The following NCLN variants were observed in gnomAD, a reference collection of about 807,000 sequenced individuals.
NCLN encodes nicalin, also known as BOS complex subunit NCLN.
In NCLN, 34 loss-of-function variants were observed where a neutral mutation model predicts 69.5. The ratio of observed to expected loss-of-function variants is 0.49; its 90% confidence interval spans 0.37 to 0.65. The LOEUF (loss-of-function observed/expected upper bound fraction) is 0.65. Among genes scored for constraint, NCLN ranks in the 30% least tolerant of loss-of-function variants. NCLN has a pLI of 0.00. For missense variants in NCLN, 710 were observed against 804.8 expected (o/e 0.88, Z 1.42); for synonymous variants, 393 against 358.3 (o/e 1.10, Z -1.09).
intron 8 of NCLN, 29 bp downstream of exon 8, chr19:3,204,173 G>C: frequency 6.7e-7 from 1 of 1,492,322 alleles, no homozygotes; most frequent in Non-Finnish European, 8.9e-7. Context: ...GATGGGTCCG[G>C]AGCTCTGCGG....
At chr19:3,191,753 T>C (rs1915832744) in intron 1 of NCLN, among the ~76,000 whole-genome samples, 2 of 152,232 alleles carry the variant, frequency 1.3e-5, no homozygotes, top group Admixed American at 1.3e-4. Flanking sequence ...GTTTTACAGC[T>C]GAGTGGTTGA....
In NCLN at chr19:3,208,014, A is replaced by G. The variant is rs1916323081; in HGVS notation, c.*326A>G. 5.9e-6 allele frequency: 2 copies of G among 339,202 alleles called. No homozygotes were observed. The highest frequency in any genetic ancestry group is 1.2e-4 in the East Asian group (2 of 16,246). 21.0% of individuals were successfully genotyped at this position (339,202 alleles called of 1,614,324 possible). On this transcript the variant is annotated 3_prime_UTR_variant, in exon 15 of 15. Coordinates refer to ENST00000246117, the MANE Select transcript of NCLN (RefSeq NM_020170.4). ...CTGGTGTAAGCACACATGCACGATT[A>G]AAGAGGAGACGCCGGGACCCCCTGC...
Position 3,206,324 on chromosome 19 carries a change from G to T in NCLN, c.1398G>T (p.Ala466=). ...GGCTCACCAACCAGCCGCGGGCCGCGCAGCTGGTGGACAAGGACAGCACCT... is the reference window on the plus strand; with the variant it reads ...GGCTCACCAACCAGCCGCGGGCCGCTCAGCTGGTGGACAAGGACAGCACCT... The part of the protein sequence containing the change: ...MDWLTNQPRA[A]QLVDKDSTFL... The change falls in exon 12 of 15, where the codon GCG becomes GCT. Residue 466 remains alanine, a synonymous_variant. Transcript: ENST00000246117. The T allele has an allele frequency of 6.5e-7, 1 of 1,548,296 alleles. No individual in the cohort carries two copies. Among genetic ancestry groups the T allele is most frequent in the Middle Eastern group, 2.3e-4 (1 of 4,436 alleles).
Position 3,207,289 on chromosome 19 carries a change from C to A in NCLN, c.1553+38C>A, listed in dbSNP as rs74788223. The stretch of plus-strand genomic sequence containing the variant: ...CAGCGGGACCTGGAGCCCTTCACCC[C>A]CTACGGGTTACAGCCGAGGGGACTG... On this transcript the variant is annotated intron_variant, in intron 13 of 14. Coordinates refer to ENST00000246117, the MANE Select transcript of NCLN (RefSeq NM_020170.4). The A allele has an allele frequency of 4.4e-5, 71 of 1,613,180 alleles. No homozygotes were observed. In the South Asian group the frequency reaches 5.0e-4, roughly 11 times the overall value.
At position 3,192,568 on chromosome 19, in the gene NCLN, G is replaced by C. The variant is rs752660243; in HGVS notation, c.283G>C (p.Glu95Gln). Reference protein sequence around the residue: ...VLMRLLDFSYEQYQKALRQSA... With the variant: ...VLMRLLDFSYQQYQKALRQSA... ...CATGCGGCTACTGGACTTCTCCTAC[G>C]AGCAGTACCAGAAGGCCCTGCGGCA... The change falls in exon 2 of 15, where the codon GAG becomes CAG. Residue 95 changes from glutamate to glutamine, a missense_variant. Glu to Gln is a conservative substitution (Grantham distance 29). Transcript: ENST00000246117. 6.2e-7 allele frequency: 1 copy of C among 1,609,812 alleles called. No homozygotes were observed.
chr19:3,195,454 T>C (rs1231546868), intron 3 of NCLN, among the ~76,000 whole-genome samples: 1 of 152,074 alleles, frequency 6.6e-6, no homozygotes, highest in Non-Finnish European at 1.5e-5. Flanking sequence ...TTTCACCGTG[T>C]TAGCCAGGAG....
intron 1 of NCLN, among the ~76,000 whole-genome samples, chr19:3,191,361 G>T (rs966916429): frequency 3.3e-5 from 5 of 152,168 alleles, no homozygotes; most frequent in African/African-American, 9.7e-5. Context: ...AGCCCGTGAT[G>T]GAGCGACAGC....
chr19:3,192,560 TCTC>T lies in NCLN; in HGVS notation c.278_280del (p.Ser93del), dbSNP rs780160684. On this transcript the variant is annotated inframe_deletion, in exon 2 of 15. Coordinates refer to ENST00000246117, the MANE Select transcript of NCLN (RefSeq NM_020170.4). ...TGCGTGCTCATGCGGCTACTGGACTTCTCCTACGAGCAGTACCAGAAGGCCCTG... is the reference window on the plus strand; with the variant it reads ...TGCGTGCTCATGCGGCTACTGGACTTCTACGAGCAGTACCAGAAGGCCCTG... The T allele has an allele frequency of 6.2e-6, 10 of 1,609,988 alleles. No individual in the cohort carries two copies. The highest frequency in any genetic ancestry group is 1.1e-5 in the South Asian group (1 of 90,746).
chr19:3,197,225 C>T (rs767486909), intron 4 of NCLN, among the ~76,000 whole-genome samples: 2 of 152,216 alleles, frequency 1.3e-5, no homozygotes, highest in African/African-American at 2.4e-5. Context: ...CGCTGGGCTC[C>T]GCATCCCATG....
In NCLN at chr19:3,207,743, C is replaced by A; in HGVS notation, c.*55C>A. 1 of 1,508,068 alleles carries A rather than the reference C, an allele frequency of 6.6e-7. No homozygotes were observed. Among genetic ancestry groups the A allele is most frequent in the Non-Finnish European group, 9.2e-7 (1 of 1,087,544 alleles). 93.4% of individuals were successfully genotyped at this position (1,508,068 alleles called of 1,614,324 possible). ...CCGCTCCACAGTCCCTGGGGCCGAGCACGAGTGAGTGGACACTGCCCCGCC... is the reference window on the plus strand; with the variant it reads ...CCGCTCCACAGTCCCTGGGGCCGAGAACGAGTGAGTGGACACTGCCCCGCC... On this transcript the variant is annotated 3_prime_UTR_variant, in exon 15 of 15. Transcript: ENST00000246117.
intron 3 of NCLN, 56 bp from the exon 4 acceptor site, chr19:3,196,127 C>T: frequency 7.3e-7 from 1 of 1,361,964 alleles, no homozygotes; most frequent in Non-Finnish European, 1.0e-6. Flanking sequence ...CTGGGGATGC[C>T]CCCTGGCTGG....
In NCLN at chr19:3,204,048, G is replaced by A; in HGVS notation, c.933G>A (p.Leu311=). The A allele has an allele frequency of 6.4e-7, 1 of 1,570,950 alleles. No homozygotes were observed. The highest frequency in any genetic ancestry group is 8.6e-7 in the Non-Finnish European group (1 of 1,157,894). Residue 311 remains leucine, a synonymous_variant, in exon 8 of 15, where the codon CTG becomes CTA. Transcript: ENST00000246117. ...ACAATGTGGCCTTCGTGCTGTGCCTGGACACCGTGGGCCGGGGCAGCAGCC... is the reference window on the plus strand; with the variant it reads ...ACAATGTGGCCTTCGTGCTGTGCCTAGACACCGTGGGCCGGGGCAGCAGCC... The part of the protein sequence containing the change: ...LQDNVAFVLC[L]DTVGRGSSLH...
intron 1 of NCLN, among the ~76,000 whole-genome samples, chr19:3,186,592 G>C (rs552302330): frequency 7.2e-5 from 11 of 152,272 alleles, no homozygotes; most frequent in African/African-American, 2.6e-4. Flanking sequence ...CCGCCCCTTA[G>C]GCTTCCTGGT....
chr19:3,198,231 G>A (rs547727373), intron 4 of NCLN, among the ~76,000 whole-genome samples: 4 of 152,232 alleles, frequency 2.6e-5, no homozygotes, highest in African/African-American at 7.2e-5. Flanking sequence ...TCCTGGCCGG[G>A]CGCGGTGGCT....
At chr19:3,201,684 C>A in intron 6 of NCLN, 58 bp downstream of exon 6, 3 of 1,328,148 alleles carry the variant, frequency 2.3e-6, no homozygotes, top group Non-Finnish European at 3.1e-6. Flanking sequence ...CCGGACAGCG[C>A]TGCCCACCAG....
At chr19:3,192,766 G>GA in intron 2 of NCLN, 106 bp downstream of exon 2, 1 of 1,050,106 alleles carries the variant, frequency 9.5e-7, no homozygotes, top group Non-Finnish European at 1.3e-6. Flanking sequence ...GAGCCCTTTG[G>GA]AAAGTAGGAT....
At chr19:3,207,091 TG>T in intron 12 of NCLN, 106 bp from the exon 13 acceptor site, 1 of 1,286,608 alleles carries the variant, frequency 7.8e-7, no homozygotes, top group South Asian at 1.2e-5. Context: ...CCCAAAGTGC[TG>T]GGATTGCAGG....
chr19:3,207,710 AG>A lies in NCLN; in HGVS notation c.*23del. ...GTGACACAGCCACCCCCACAGCCGG[AG>A]CCCCCGCCGCTCCACAGTCCCTGGG... On this transcript the variant is annotated 3_prime_UTR_variant, in exon 15 of 15. Coordinates refer to ENST00000246117, the MANE Select transcript of NCLN (RefSeq NM_020170.4). The A allele has an allele frequency of 1.3e-6, 2 of 1,597,734 alleles. No individual in the cohort carries two copies. Among genetic ancestry groups the A allele is most frequent in the Non-Finnish European group, 1.7e-6 (2 of 1,167,206 alleles).
intron 1 of NCLN, 60 bp from the exon 2 acceptor site, chr19:3,192,410 G>A: frequency 7.0e-7 from 1 of 1,422,490 alleles, no homozygotes. Context: ...GCCTGGATCT[G>A]TCCCCTCCCG....
Sources: gnomAD v4.1 joint callset for allele counts (sites outside exome capture counted in the v4.1 genomes callset) on GRCh38, gnomAD v4.1.1 for gene constraint, MANE v1.5 for transcripts, NCBI Gene and HGNC (gene_info 2026-07-23, HGNC 2026-07-21) for gene names.